Variants in TBC1D30 observed in about 807,000 individuals in gnomAD.
The protein encoded by TBC1D30 is TBC1 domain family, member 30.
Under a neutral mutation model 63.2 loss-of-function variants are expected in TBC1D30, and 31 were observed. That is an observed-to-expected ratio of 0.49 (90% CI 0.37 to 0.66). TBC1D30 has a LOEUF of 0.66. Ranked by LOEUF, TBC1D30 falls within the 30% of genes least tolerant of loss-of-function variation. TBC1D30 has a pLI of 0.00. For synonymous variants in TBC1D30, 307 were observed against 361.5 expected, an observed-to-expected ratio of 0.85 and a Z score of 1.71; for missense variants, 810 against 953.6, an observed-to-expected ratio of 0.85 and a Z score of 1.98.
chr12:64,834,319 T>C (rs982983318), intron 5 of TBC1D30, among the ~76,000 whole-genome samples: 53 of 152,326 alleles, frequency 3.5e-4, no homozygotes, highest in Admixed American at 4.6e-4. Flanking sequence ...TTTCCTGCTA[T>C]TTAGCACTTA....
chr12:64,763,677 C>T (rs1238611329), intron 1 of TBC1D30, among the ~76,000 whole-genome samples: 5 of 149,598 alleles, frequency 3.3e-5, no homozygotes, highest in African/African-American at 4.9e-5. Context: ...GGCATGATCT[C>T]GGCTCACTAC....
At chr12:64,779,998 C>G (rs1871187619), upstream of TBC1D30, among the ~76,000 whole-genome samples, 1 of 152,214 alleles carries the variant, frequency 6.6e-6, no homozygotes, top group Non-Finnish European at 1.5e-5. Flanking sequence ...ATACATCTCT[C>G]ACAGTATCTT....
At chr12:64,796,756 T>G (rs1263479634) in intron 2 of TBC1D30, among the ~76,000 whole-genome samples, 1 of 152,218 alleles carries the variant, frequency 6.6e-6, no homozygotes, top group Non-Finnish European at 1.5e-5. Context: ...CTGTGTTTAC[T>G]ATTTCCCACA....
chr12:64,838,886 T>C (rs2136391318), intron 7 of TBC1D30, 35 bp downstream of exon 7: 1 of 1,524,692 alleles, frequency 6.6e-7, no homozygotes, highest in Admixed American at 2.0e-5. Flanking sequence ...TGTTCTGTGA[T>C]GTTGAGGGCC....
intron 1 of TBC1D30, among the ~76,000 whole-genome samples, chr12:64,784,131 G>T (rs978501192): frequency 1.3e-5 from 2 of 151,868 alleles, no homozygotes; most frequent in Admixed American, 1.3e-4. Context: ...GGGACAGGAA[G>T]AACTAGCCTT....
intron 2 of TBC1D30, among the ~76,000 whole-genome samples, chr12:64,788,515 A>G (rs541867204): frequency 6.6e-6 from 1 of 152,276 alleles, no homozygotes; most frequent in Non-Finnish European, 1.5e-5. Context: ...AGGTTAGTCC[A>G]GGGTCACAGA....
rs1874740289 is a variant in TBC1D30 at position 64,830,379 on chromosome 12, T to A, written c.285T>A (p.Val95=). Reference sequence around the variant, plus strand: ...CCTTTGTCTATGTAATATTTTAGGTTTGGTTGACCTTGGCAGATCATTATT... The same window carrying A: ...CCTTTGTCTATGTAATATTTTAGGTATGGTTGACCTTGGCAGATCATTATT... ...TGIPKEWRRK[V]WLTLADHYLH... is the part of the protein sequence containing the mutation. The change falls in exon 4 of 12, where the codon GTT becomes GTA. Residue 95 remains valine, a splice_region_variant and synonymous_variant. Coordinates refer to ENST00000539867, the MANE Select transcript of TBC1D30 (RefSeq NM_015279.2). The A allele has an allele frequency of 6.6e-7, 1 of 1,525,100 alleles. No individual in the cohort carries two copies. Among genetic ancestry groups the A allele is most frequent in the Non-Finnish European group, 8.8e-7 (1 of 1,138,496 alleles). The allele number at this position is 1,525,100 out of a possible 1,614,324, so 94.5% of individuals were successfully genotyped here. A position where few individuals can be genotyped will look rare whatever the true frequency, so the allele number is the denominator to read the frequency against.
At chr12:64,835,890 G>A (rs539435375) in intron 5 of TBC1D30, among the ~76,000 whole-genome samples, 5 of 152,118 alleles carry the variant, frequency 3.3e-5, no homozygotes, top group African/African-American at 4.8e-5. Flanking sequence ...AATGAAAATA[G>A]CAATTTGAAG....
chr12:64,860,132 C>T (rs61922570), intron 8 of TBC1D30, among the ~76,000 whole-genome samples: 2,715 of 152,002 alleles, frequency 0.018, 35 homozygotes, highest in Non-Finnish European at 0.026. Flanking sequence ...ATTCTCCCAC[C>T]TCAGCCCCCC....
At chr12:64,840,027 A>AAAAAAAAAC (rs1555171793) in intron 7 of TBC1D30, among the ~76,000 whole-genome samples, 4 of 145,810 alleles carry the variant, frequency 2.7e-5, no homozygotes, top group African/African-American at 1.0e-4. Context: ...AAAAAAAAAA[A>AAAAAAAAAC]ATCCACCAAC....
chr12:64,868,883 C>T (rs1878432508), intron 10 of TBC1D30, among the ~76,000 whole-genome samples: 1 of 152,138 alleles, frequency 6.6e-6, no homozygotes, highest in South Asian at 2.1e-4. Context: ...TTCTGGACCT[C>T]CTAATATTCT....
intron 1 of TBC1D30, among the ~76,000 whole-genome samples, chr12:64,765,832 C>CAA (rs142093900): frequency 0.57 from 66,973 of 116,544 alleles, 18,513 homozygotes; most frequent in East Asian, 0.85. Flanking sequence ...CCCACCTCTA[C>CAA]AAAAAAAAAA....
At chr12:64,775,676 T>C (rs1260669974), upstream of TBC1D30, among the ~76,000 whole-genome samples, 1 of 152,136 alleles carries the variant, frequency 6.6e-6, no homozygotes, top group East Asian at 1.9e-4. Flanking sequence ...CACACAATAA[T>C]AGTGAGAGAC....
chr12:64,871,665 A>G (rs1878666500), intron 11 of TBC1D30, among the ~76,000 whole-genome samples: 1 of 152,252 alleles, frequency 6.6e-6, no homozygotes, highest in Admixed American at 6.5e-5. Flanking sequence ...ATTTCACTTT[A>G]AGTTTCAAAA....
chr12:64,865,415 AAT>A (rs1289651969), intron 9 of TBC1D30, among the ~76,000 whole-genome samples: 1 of 151,978 alleles, frequency 6.6e-6, no homozygotes, highest in Non-Finnish European at 1.5e-5. Flanking sequence ...AAGTCCTTTA[AAT>A]ATAATTTTCT....
At chr12:64,769,576 C>G (rs959371750) in intron 1 of TBC1D30, among the ~76,000 whole-genome samples, 6 of 147,078 alleles carry the variant, frequency 4.1e-5, no homozygotes, top group African/African-American at 1.5e-4. Flanking sequence ...TTAGTAGAGA[C>G]GGGGTTTCAC....
At chr12:64,849,199 C>T (rs1218139981) in intron 8 of TBC1D30, among the ~76,000 whole-genome samples, 1 of 152,154 alleles carries the variant, frequency 6.6e-6, no homozygotes, top group Admixed American at 6.5e-5. Context: ...GGATAGATTA[C>T]AAAAGTTTTC....
intron 8 of TBC1D30, among the ~76,000 whole-genome samples, chr12:64,843,716 T>C (rs896103014): frequency 2.6e-5 from 4 of 152,218 alleles, no homozygotes; most frequent in Admixed American, 2.0e-4. Flanking sequence ...TGCTTAGAAG[T>C]CATTAGCAGC....
intron 1 of TBC1D30, among the ~76,000 whole-genome samples, chr12:64,826,542 A>C (rs901570871): frequency 6.6e-6 from 1 of 152,150 alleles, no homozygotes; most frequent in African/African-American, 2.4e-5. Context: ...ACTTGTTTTC[A>C]GCGTGCCTTA....
Sources: gnomAD v4.1 joint callset for allele counts (sites outside exome capture counted in the v4.1 genomes callset) on GRCh38, gnomAD v4.1.1 for gene constraint, MANE v1.5 for transcripts, NCBI Gene and HGNC (gene_info 2026-07-23, HGNC 2026-07-21) for gene names.